Variants in RIPOR2 observed in about 807,000 individuals in gnomAD.
RIPOR2 encodes the protein rho family-interacting cell polarization regulator 2.
RIPOR2 carries 39 observed loss-of-function variants against 114.5 expected under a neutral mutation model. The ratio of observed to expected loss-of-function variants is 0.34; its 90% CI spans 0.26 to 0.44. RIPOR2 has a LOEUF of 0.44. Among genes scored for constraint, RIPOR2 ranks in the 20% least tolerant of loss-of-function variants. The pLI, the probability that RIPOR2 is intolerant of heterozygous loss-of-function variation, is 1.00. For missense variants in RIPOR2, 1,007 were observed against 1,255.1 expected, an observed-to-expected ratio of 0.80 and a Z score of 2.99; for synonymous variants, 445 against 484.4, an observed-to-expected ratio of 0.92 and a Z score of 1.07.
chr6:25,005,739 A>ATG (rs1775534827), intron 1 of RIPOR2, among the ~76,000 whole-genome samples: 2 of 79,674 alleles, frequency 2.5e-5, no homozygotes, highest in Admixed American at 2.8e-4. Context: ...ATATATATAT[A>ATG]TACATTTACC....
chr6:24,841,502 TCTC>T lies in RIPOR2; in HGVS notation c.1857+1357_1857+1359del, dbSNP rs201167615. Reference sequence around the variant, plus strand: ...AATTATCATCTGCCTGGGGCACAAATCTCCTACAGAGTTAGGTCAGCAAGACTG... The same window carrying T: ...AATTATCATCTGCCTGGGGCACAAATCTACAGAGTTAGGTCAGCAAGACTG... On this transcript the variant is annotated intron_variant, in intron 13 of 21. Transcript: ENST00000643898. Among the ~76,000 whole-genome samples the T allele has an allele frequency of 3.8e-3, 567 of 150,992 alleles. 2 individuals are homozygous for T. Among genetic ancestry groups the T allele is most frequent in the African/African-American group, 0.012 (504 of 41,108 alleles).
At chr6:24,916,523 T>C (rs931190451) in intron 1 of RIPOR2, among the ~76,000 whole-genome samples, 2 of 152,204 alleles carry the variant, frequency 1.3e-5, no homozygotes, top group Non-Finnish European at 2.9e-5. Flanking sequence ...GAGCATACAC[T>C]ATCCCTGCTG....
intron 19 of RIPOR2, among the ~76,000 whole-genome samples, chr6:24,820,315 G>T (rs1297910361): frequency 6.6e-6 from 1 of 152,202 alleles, no homozygotes; most frequent in East Asian, 1.9e-4. Context: ...ACAGGCGTGA[G>T]CCACTGCACA....
In RIPOR2 at chr6:24,891,513, A is replaced by AT. The variant is rs1554221071; in HGVS notation, c.62-15697dup. On this transcript the variant is annotated intron_variant, in intron 1 of 21. Transcript: ENST00000643898. ...TTGAAGCTGTAATGACAGTAACGAG[A>AT]TAAAAAAAAAAGGCCACCTAATTCT... 3.2e-3 allele frequency among the ~76,000 whole-genome samples: 425 copies of AT among 133,738 alleles called. 1 individual carries two copies. Among genetic ancestry groups the AT allele is most frequent in the African/African-American group, 0.012 (393 of 32,396 alleles). 87.7% of individuals were successfully genotyped at this position (133,738 alleles called of 152,430 possible).
chr6:24,807,975 G>A lies in RIPOR2; in HGVS notation c.3044-1502C>T, dbSNP rs149636795. 3.3e-3 allele frequency among the ~76,000 whole-genome samples: 510 copies of A among 152,258 alleles called. 4 individuals are homozygous for A. The highest frequency in any genetic ancestry group is 0.014 in the Middle Eastern group (4 of 292). On this transcript the variant is annotated intron_variant, in intron 21 of 21. Transcript: ENST00000643898. ...GATTCATAATATTGACTTCAGGGGG[G>A]TCTCAAACTTTATATTAGAATCACC...
intron 1 of RIPOR2, among the ~76,000 whole-genome samples, chr6:24,878,062 T>C (rs1356580160): frequency 1.3e-5 from 2 of 152,158 alleles, no homozygotes; most frequent in Admixed American, 6.6e-5. Context: ...GTGGGAATGC[T>C]GTTTACTGAA....
At chr6:24,834,857 CAAA>C (rs1760988839) in intron 15 of RIPOR2, among the ~76,000 whole-genome samples, 2 of 152,150 alleles carry the variant, frequency 1.3e-5, no homozygotes, top group Non-Finnish European at 2.9e-5. Flanking sequence ...CTCCTGGGCT[CAAA>C]CAATCTTCCT....
At chr6:25,031,049 A>G (rs1403416737) in intron 1 of RIPOR2, 2 of 152,232 alleles carry the variant, frequency 1.3e-5, no homozygotes, top group Non-Finnish European at 2.9e-5. Context: ...GCTATTCACA[A>G]GCACGATCCC....
chr6:24,993,921 T>C (rs1272681815), intron 1 of RIPOR2, among the ~76,000 whole-genome samples: 2 of 152,246 alleles, frequency 1.3e-5, no homozygotes, highest in East Asian at 3.8e-4. Flanking sequence ...TTTGATTTGG[T>C]ATCATTTTTA....
chr6:24,981,803 C>T (rs1468283827), intron 1 of RIPOR2, among the ~76,000 whole-genome samples: 4 of 152,222 alleles, frequency 2.6e-5, no homozygotes, highest in African/African-American at 9.7e-5. Flanking sequence ...TAACAGCTAC[C>T]TCACAGCCTT....
rs1764852012 is a variant in RIPOR2, at chr6:24,868,605, C to T, written c.501+489G>A. On this transcript the variant is annotated intron_variant, in intron 6 of 21. Transcript: ENST00000643898. ...ATCTAGGGGAGAGAGGATAAAATGG[C>T]ACCCGAAAACCATGCCATATGAGGG... Among the ~76,000 whole-genome samples the T allele has an allele frequency of 3.3e-5, 5 of 152,080 alleles. No homozygotes were observed. In the South Asian group the frequency reaches 8.3e-4, roughly 25 times the overall value.
At chr6:24,879,340 G>A (rs1766128023) in intron 1 of RIPOR2, among the ~76,000 whole-genome samples, 1 of 152,090 alleles carries the variant, frequency 6.6e-6, no homozygotes, top group South Asian at 2.1e-4. Flanking sequence ...GGGGGACTCT[G>A]TCTCAAAAAA....
At chr6:24,819,014 T>A (rs955985091) in intron 19 of RIPOR2, among the ~76,000 whole-genome samples, 4 of 152,036 alleles carry the variant, frequency 2.6e-5, no homozygotes, top group South Asian at 4.1e-4. Context: ...TCCCTTTCTT[T>A]ATGTCCCATC....
At chr6:24,960,208 G>A (rs537952763) in intron 1 of RIPOR2, among the ~76,000 whole-genome samples, 16 of 152,288 alleles carry the variant, frequency 1.1e-4, no homozygotes, top group African/African-American at 3.8e-4. Context: ...AAAATCCTGA[G>A]ACTGGGTAAT....
rs1047398760 is a variant in RIPOR2 at position 24,875,590 on chromosome 6, G to T, written c.188+101C>A. On this transcript the variant is annotated intron_variant, in intron 2 of 21. Transcript: ENST00000643898. ...AGATTAAAATGGGGAGGAGGCCGGG[G>T]GGCGGTTTGACAAGGCTGAATGCAC... 1.3e-4 allele frequency: 139 copies of T among 1,092,234 alleles called. No individual in the cohort carries two copies. In the Admixed American group the frequency reaches 3.5e-3, roughly 28 times the overall value. The allele number at this position is 1,092,234 out of a possible 1,614,324, so 67.7% of individuals were successfully genotyped here. A position where few individuals can be genotyped will look rare whatever the true frequency, so the allele number is the denominator to read the frequency against.
chr6:25,036,670 G>T (rs1236347601), intron 1 of RIPOR2, among the ~76,000 whole-genome samples: 1 of 152,154 alleles, frequency 6.6e-6, no homozygotes. Context: ...TGGAATTACA[G>T]GTGTAAGCCA....
intron 1 of RIPOR2, among the ~76,000 whole-genome samples, chr6:24,876,321 T>G (rs1337692989): frequency 6.6e-6 from 1 of 151,372 alleles, no homozygotes; most frequent in Admixed American, 6.6e-5. Flanking sequence ...GAAAAGAAAA[T>G]AAATATAAAT....
At chr6:24,882,594 A>G (rs1228498250) in intron 1 of RIPOR2, among the ~76,000 whole-genome samples, 1 of 152,258 alleles carries the variant, frequency 6.6e-6, no homozygotes, top group African/African-American at 2.4e-5. Context: ...CACAGAAAGT[A>G]GAAAGGAGGC....
chr6:24,908,840 C>A (rs1769247356), intron 1 of RIPOR2, among the ~76,000 whole-genome samples: 1 of 152,164 alleles, frequency 6.6e-6, no homozygotes, highest in Non-Finnish European at 1.5e-5. Context: ...GAAGGAGAGC[C>A]ATTTCTGGAA....
Sources: allele counts gnomAD v4.1 joint callset (sites outside exome capture counted in the v4.1 genomes callset), GRCh38; gene constraint gnomAD v4.1.1; transcripts MANE v1.5; gene names NCBI Gene and HGNC (gene_info 2026-07-23, HGNC 2026-07-21).